Variants in PAX7 observed in about 807,000 individuals in gnomAD.
The protein encoded by PAX7 is paired box protein Pax-7.
In PAX7, 18 loss-of-function variants were observed where a neutral mutation model predicts 50.7. The ratio of observed to expected loss-of-function variants is 0.36; its 90% confidence interval spans 0.25 to 0.53. The LOEUF is 0.53. PAX7 is among the 20% of genes least tolerant of loss of function. The pLI is 0.93. For missense variants in PAX7, 644 were observed against 702.9 expected, an observed-to-expected ratio of 0.92 and a Z score of 0.95; for synonymous variants, 310 against 290.4, an observed-to-expected ratio of 1.07 and a Z score of -0.69.
intron 4 of PAX7, among the ~76,000 whole-genome samples, chr1:18,669,060 A>G (rs1198908161): frequency 6.6e-6 from 1 of 152,114 alleles, no homozygotes; most frequent in African/African-American, 2.4e-5. Context: ...TGTGCTAAGC[A>G]CCTGTGTTGG....
intron 7 of PAX7, among the ~76,000 whole-genome samples, chr1:18,720,444 C>T (rs1431527058): frequency 1.3e-5 from 2 of 152,076 alleles, no homozygotes; most frequent in Non-Finnish European, 2.9e-5. Flanking sequence ...ACAGCTCAAC[C>T]CTGGGCACAT....
At chr1:18,633,178 G>T (rs2088085143) in intron 1 of PAX7, among the ~76,000 whole-genome samples, 1 of 152,160 alleles carries the variant, frequency 6.6e-6, no homozygotes, top group African/African-American at 2.4e-5. Context: ...GAGGGAGGGG[G>T]CGGTAGGAAC....
At position 18,700,467 on chromosome 1, in the gene PAX7, G is replaced by A. The variant is rs2089204349; in HGVS notation, c.787-186G>A. On this transcript the variant is annotated intron_variant, in intron 5 of 8. Transcript: ENST00000420770. This position sits in a 1 kb window ranked among gnomAD's most constrained non-coding sequence, Gnocchi z 4.8. ...GAACCCCCTCACTGGTGGTTGTGAG[G>A]GCAGAATGGGGTCATACCTATGAAA... Among the ~76,000 whole-genome samples the A allele has an allele frequency of 6.6e-6, 1 of 152,120 alleles. No homozygotes were observed. Among genetic ancestry groups the A allele is most frequent in the African/African-American group, 2.4e-5 (1 of 41,406 alleles).
chr1:18,645,409 C>T (rs531021855), intron 4 of PAX7, among the ~76,000 whole-genome samples: 8 of 152,216 alleles, frequency 5.3e-5, no homozygotes, highest in Non-Finnish European at 1.2e-4. Flanking sequence ...GCGGCGGGCG[C>T]GATAAGTAGC....
chr1:18,714,324 A>T (rs1002490884), intron 7 of PAX7, among the ~76,000 whole-genome samples: 1 of 152,190 alleles, frequency 6.6e-6, no homozygotes, highest in South Asian at 2.1e-4. Flanking sequence ...CATTTTACTC[A>T]TCTGTGAAAT....
At chr1:18,653,441 G>C (rs566409619) in intron 4 of PAX7, among the ~76,000 whole-genome samples, 1 of 152,152 alleles carries the variant, frequency 6.6e-6, no homozygotes, top group Non-Finnish European at 1.5e-5. Flanking sequence ...GTTGGTTTGT[G>C]GTTAGACTTG....
At chr1:18,650,875 C>T (rs1204003520) in intron 4 of PAX7, among the ~76,000 whole-genome samples, 5 of 152,158 alleles carry the variant, frequency 3.3e-5, no homozygotes, top group African/African-American at 1.2e-4. Flanking sequence ...GTCCCATCTG[C>T]CAGGGTACCA....
intron 4 of PAX7, among the ~76,000 whole-genome samples, chr1:18,653,284 C>T (rs1012615510): frequency 6.6e-6 from 1 of 151,806 alleles, no homozygotes; most frequent in Non-Finnish European, 1.5e-5. Context: ...TCACAGTCAG[C>T]CTTGGGAATT....
intron 4 of PAX7, among the ~76,000 whole-genome samples, chr1:18,683,120 C>T (rs1455507461): frequency 6.6e-6 from 1 of 152,132 alleles, no homozygotes; most frequent in East Asian, 1.9e-4. Context: ...CAGGACCTGA[C>T]CTCCCCTCCA....
chr1:18,743,583 T>G lies in PAX7; in HGVS notation c.1403-1231T>G, dbSNP rs1330739130. Among the ~76,000 whole-genome samples the G allele has an allele frequency of 3.9e-5, 6 of 152,192 alleles. No individual in the cohort carries two copies. In the East Asian group the frequency reaches 1.2e-3, roughly 29 times the overall value. Reference sequence around the variant, plus strand: ...TTCTGGATCCTACAAATCCCAGGGGTTTGGACTGGCCACAGCCACAGATCC... The same window carrying G: ...TTCTGGATCCTACAAATCCCAGGGGGTTGGACTGGCCACAGCCACAGATCC... On this transcript the variant is annotated intron_variant, in intron 8 of 8. Transcript: ENST00000420770.
chr1:18,694,826 C>T (rs914272788), intron 5 of PAX7, among the ~76,000 whole-genome samples: 8 of 152,202 alleles, frequency 5.3e-5, no homozygotes, highest in Non-Finnish European at 1.2e-4. Context: ...ATCAGGGATG[C>T]TTTGTGAGGT....
intron 7 of PAX7, 98 bp downstream of exon 7, chr1:18,703,394 C>A: frequency 9.3e-7 from 1 of 1,075,334 alleles, no homozygotes; most frequent in Non-Finnish European, 1.4e-6. Flanking sequence ...TTTCCTGTAG[C>A]AGGCTGACTG....
intron 4 of PAX7, among the ~76,000 whole-genome samples, chr1:18,671,413 C>T (rs7551875): frequency 6.6e-6 from 1 of 152,214 alleles, no homozygotes; most frequent in Admixed American, 6.5e-5. Flanking sequence ...CAGAACTGTA[C>T]AATGCACTCT....
chr1:18,670,364 T>C (rs958462664), intron 4 of PAX7, among the ~76,000 whole-genome samples: 31 of 151,786 alleles, frequency 2.0e-4, no homozygotes, highest in Admixed American at 2.0e-3. Context: ...AACTAAGGAG[T>C]GGAGCATTGC....
At chr1:18,643,972 T>C (rs1014831551) in intron 4 of PAX7, among the ~76,000 whole-genome samples, 1 of 152,218 alleles carries the variant, frequency 6.6e-6, no homozygotes, top group African/African-American at 2.4e-5. Context: ...AGAGCGTTGC[T>C]AAATTAACAG....
chr1:18,695,678 C>T (rs1379915438), intron 5 of PAX7, among the ~76,000 whole-genome samples: 1 of 152,166 alleles, frequency 6.6e-6, no homozygotes, highest in Non-Finnish European at 1.5e-5. Context: ...TGCCTGGGGA[C>T]CCATGACTCC....
chr1:18,671,212 CA>C (rs1344823561), intron 4 of PAX7, among the ~76,000 whole-genome samples: 1 of 152,092 alleles, frequency 6.6e-6, no homozygotes, highest in Admixed American at 6.5e-5. Context: ...ATTCTGGGCA[CA>C]AGGTAGGCAA....
rs1034152236 is a variant in PAX7 at position 18,636,796 on chromosome 1, G to A, written c.586+425G>A. Among the ~76,000 whole-genome samples the A allele has an allele frequency of 2.6e-5, 4 of 152,130 alleles. No homozygotes were observed. Among genetic ancestry groups the A allele is most frequent in the African/African-American group, 9.7e-5 (4 of 41,430 alleles). ...GGGAGGGAGAGAGGAAGGAGGAGCC[G>A]GCCCGCGGCTCCCTAAATGAATTTG... On this transcript the variant is annotated intron_variant, in intron 4 of 8. Coordinates refer to ENST00000420770, the MANE Select transcript of PAX7 (RefSeq NM_001135254.2). This position sits in a 1 kb window ranked among gnomAD's most constrained non-coding sequence, Gnocchi z 5.1.
At chr1:18,730,467 C>T (rs776693155) in intron 7 of PAX7, among the ~76,000 whole-genome samples, 1 of 152,150 alleles carries the variant, frequency 6.6e-6, no homozygotes, top group Non-Finnish European at 1.5e-5. Flanking sequence ...CCTATCCTGA[C>T]CTTCAGTCTC....
Sources: gnomAD v4.1 joint callset for allele counts (sites outside exome capture counted in the v4.1 genomes callset) on GRCh38, gnomAD v4.1.1 for gene constraint, Gnocchi (gnomAD v3.1) non-coding constraint, MANE v1.5 for transcripts, NCBI Gene and HGNC (gene_info 2026-07-23, HGNC 2026-07-21) for gene names.